The following SLAIN2 variants were observed in gnomAD, a reference collection of about 807,000 sequenced individuals.
SLAIN2 encodes the protein SLAIN family member 2, also known as SLAIN motif-containing protein 2.
In SLAIN2, 31 loss-of-function variants were observed where a neutral mutation model predicts 56.6. The ratio of observed to expected loss-of-function variants is 0.55; its 90% CI spans 0.41 to 0.74. The LOEUF (loss-of-function observed/expected upper bound fraction) is 0.74, where lower values mean the gene tolerates loss of function less well. Ranked by LOEUF, SLAIN2 falls within the 30% of genes least tolerant of loss-of-function variation. The pLI is 0.00. For synonymous variants in SLAIN2, 317 were observed against 284.9 expected (o/e 1.11, Z -1.13); for missense variants, 777 against 754.2 (o/e 1.03, Z -0.35).
rs1715927057 is a variant in SLAIN2 at position 48,379,931 on chromosome 4, G to T, written c.862+83G>T. On this transcript the variant is annotated intron_variant, in intron 4 of 7. Transcript: ENST00000264313. ...TATTAAATATGTCTTAAAGTATTGT[G>T]GGGGTAGTAATGTAGTGAAAGTAGA... The T allele has an allele frequency of 1.5e-5, 18 of 1,217,298 alleles. 1 individual carries two copies. In the South Asian group the frequency reaches 4.0e-4, roughly 27 times the overall value. 75.4% of individuals were successfully genotyped at this position (1,217,298 alleles called of 1,614,324 possible). A position where few individuals can be genotyped will look rare whatever the true frequency, so the allele number is the denominator to read the frequency against.
At chr4:48,349,494 C>CT (rs1714955099) in intron 1 of SLAIN2, among the ~76,000 whole-genome samples, 1 of 152,160 alleles carries the variant, frequency 6.6e-6, no homozygotes, top group Non-Finnish European at 1.5e-5. Context: ...AAAATACTGT[C>CT]TAGATGTAGT....
At chr4:48,417,990 AGT>A (rs371071076) in intron 6 of SLAIN2, among the ~76,000 whole-genome samples, 1 of 151,772 alleles carries the variant, frequency 6.6e-6, no homozygotes, top group Admixed American at 6.6e-5. Flanking sequence ...TATTTCTAGA[AGT>A]GTGTGTGTGT....
chr4:48,362,750 C>CTTTTTTTTTTTTTTTTATTT (rs1715366907), intron 1 of SLAIN2, among the ~76,000 whole-genome samples: 2 of 93,254 alleles, frequency 2.1e-5, no homozygotes, highest in African/African-American at 4.1e-5. Context: ...TTTTTTTATT[C>CTTTTTTTTTTTTTTTTATTT]TTTTTTTTTT....
chr4:48,418,500 C>G (rs953415254), intron 6 of SLAIN2, among the ~76,000 whole-genome samples: 2 of 151,994 alleles, frequency 1.3e-5, no homozygotes, highest in African/African-American at 4.8e-5. Context: ...GGAATAAATC[C>G]TCCTTAGTCA....
chr4:48,393,759 C>G (rs1231185573), intron 6 of SLAIN2, among the ~76,000 whole-genome samples: 1 of 152,066 alleles, frequency 6.6e-6, no homozygotes, highest in Non-Finnish European at 1.5e-5. Context: ...AGTCATCAGT[C>G]TGTCAGAGCC....
intron 7 of SLAIN2, 125 bp from the exon 8 acceptor site, chr4:48,421,886 A>G (rs1206356773): frequency 1.4e-6 from 1 of 731,208 alleles, no homozygotes; most frequent in Non-Finnish European, 2.3e-6. Context: ...AGAGCTTAGG[A>G]CTTGGTACGG....
chr4:48,366,735 C>G (rs1357191907), intron 1 of SLAIN2, among the ~76,000 whole-genome samples: 3 of 152,138 alleles, frequency 2.0e-5, no homozygotes, highest in African/African-American at 7.2e-5. Flanking sequence ...TGTCCCAGTT[C>G]CTTGTTTTGC....
intron 1 of SLAIN2, among the ~76,000 whole-genome samples, chr4:48,350,776 T>G (rs1327086671): frequency 6.6e-6 from 1 of 152,188 alleles, no homozygotes; most frequent in East Asian, 1.9e-4. Flanking sequence ...GCTCAGAAAT[T>G]GCAGAACAGT....
chr4:48,378,308 T>G (rs979152322), intron 3 of SLAIN2, among the ~76,000 whole-genome samples: 7 of 152,222 alleles, frequency 4.6e-5, no homozygotes, highest in Non-Finnish European at 8.8e-5. Flanking sequence ...TAAGTCTGGC[T>G]TAATTAAATG....
At chr4:48,363,601 G>A (rs553361855) in intron 1 of SLAIN2, among the ~76,000 whole-genome samples, 78 of 107,264 alleles carry the variant, frequency 7.3e-4, no homozygotes, top group South Asian at 1.9e-3. Context: ...CGGACAGGGC[G>A]GCTGGCCGGG....
In SLAIN2 at chr4:48,420,291, A is replaced by G. The variant is rs376499114; in HGVS notation, c.1527A>G (p.Thr509=). Residue 509 remains threonine, a synonymous_variant, in exon 7 of 8, where the codon ACA becomes ACG. Coordinates refer to ENST00000264313, the MANE Select transcript of SLAIN2 (RefSeq NM_020846.2). ...CTGGGCCTCCTATGGTTCAGAGCAC[A>G]GTCTCAGCAAATCCTCCCAGCAATA... The part of the protein sequence containing the change: ...SSPGPPMVQS[T]VSANPPSNIN... 1.2e-6 allele frequency: 2 copies of G among 1,613,852 alleles called. No homozygotes were observed. Among genetic ancestry groups the G allele is most frequent in the Non-Finnish European group, 1.7e-6 (2 of 1,179,884 alleles).
At chr4:48,419,170 C>G (rs183168730) in intron 6 of SLAIN2, among the ~76,000 whole-genome samples, 236 of 151,874 alleles carry the variant, frequency 1.6e-3, no homozygotes, top group Non-Finnish European at 2.4e-3. Context: ...TACCGCGATC[C>G]CCGCTTATTG....
At chr4:48,374,956 T>G (rs1715765473) in intron 2 of SLAIN2, among the ~76,000 whole-genome samples, 1 of 152,160 alleles carries the variant, frequency 6.6e-6, no homozygotes, top group Admixed American at 6.5e-5. Flanking sequence ...TTAGATACAT[T>G]TGCCATACCC....
rs371914891 is a variant in SLAIN2 at position 48,368,525 on chromosome 4, A to T, written c.390-1324A>T. Among the ~76,000 whole-genome samples, 358 of 152,274 alleles carry T rather than the reference A, an allele frequency of 2.4e-3. 3 individuals carry two copies. The highest frequency in any genetic ancestry group is 8.3e-3 in the African/African-American group (344 of 41,562). ...ATCATAAAATGGTTTTATTATTGTT[A>T]TTATTCATCTATAGAGGTTTACCTT... On this transcript the variant is annotated intron_variant, in intron 1 of 7. Coordinates refer to ENST00000264313, the MANE Select transcript of SLAIN2 (RefSeq NM_020846.2).
Position 48,382,709 on chromosome 4 carries a change from T to G in SLAIN2, c.1004T>G (p.Val335Gly). The change falls in exon 5 of 8, where the codon GTA becomes GGA. Residue 335 changes from valine (V) to glycine (G), a missense_variant. Val to Gly is a moderately radical substitution (Grantham distance 109, BLOSUM62 -3). Coordinates refer to ENST00000264313, the MANE Select transcript of SLAIN2 (RefSeq NM_020846.2). ...DDEDDNMHHA[V>G]YPAVNRFSPS... ...GAAGATGACAATATGCATCATGCAG[T>G]ATACCCTGCTGTTAACAGGTTTTCA... 1.2e-6 allele frequency: 2 copies of G among 1,613,806 alleles called. No homozygotes were observed. Among genetic ancestry groups the G allele is most frequent in the Non-Finnish European group, 1.7e-6 (2 of 1,179,874 alleles).
chr4:48,396,911 G>C (rs552427469), intron 6 of SLAIN2, among the ~76,000 whole-genome samples: 1 of 152,306 alleles, frequency 6.6e-6, no homozygotes, highest in East Asian at 1.9e-4. Flanking sequence ...ATAAATATTT[G>C]TTGAATGAAT....
At chr4:48,386,998 A>G (rs1211451412) in intron 6 of SLAIN2, among the ~76,000 whole-genome samples, 1 of 152,188 alleles carries the variant, frequency 6.6e-6, no homozygotes, top group Admixed American at 6.5e-5. Context: ...TTGGCTTTCA[A>G]AGATGCTTTC....
intron 1 of SLAIN2, among the ~76,000 whole-genome samples, chr4:48,345,145 G>A (rs1458975246): frequency 1.3e-5 from 2 of 152,188 alleles, no homozygotes; most frequent in Non-Finnish European, 1.5e-5. Context: ...TTGAATCCAG[G>A]TCTTTATACA....
In SLAIN2 at chr4:48,379,758, G is replaced by A. The variant is rs754911420; in HGVS notation, c.772G>A (p.Ala258Thr). The A allele has an allele frequency of 7.5e-6, 12 of 1,595,710 alleles. No homozygotes were observed. The South Asian group carries it at 1.3e-4, about 17-fold the overall frequency. Residue 258 changes from alanine to threonine, a missense_variant, in exon 4 of 8, where the codon GCT (alanine) becomes ACT (threonine). Transcript: ENST00000264313. ...GTCCTCTATAGATAGTGAGTTAAGT[G>A]CTTCAGAATTAGATGAAGATTCAAT... ...PQSSIDSELS[A>T]SELDEDSIGS...
Sources: allele counts gnomAD v4.1 joint callset (sites outside exome capture counted in the v4.1 genomes callset), GRCh38; gene constraint gnomAD v4.1.1; transcripts MANE v1.5; gene names NCBI Gene and HGNC (gene_info 2026-07-23, HGNC 2026-07-21).